Variants in TTC39B observed in about 807,000 individuals in gnomAD.
TTC39B encodes tetratricopeptide repeat domain 39B, also known as tetratricopeptide repeat protein 39B.
A neutral mutation model predicts 96.6 loss-of-function variants in TTC39B; 92 were observed. The ratio of observed to expected loss-of-function variants is 0.95; its 90% CI spans 0.80 to 1.13. The LOEUF (loss-of-function observed/expected upper bound fraction) is 1.13, where lower values mean the gene tolerates loss of function less well. TTC39B is among the 50% of genes most tolerant of loss of function. TTC39B has a pLI of 0.00. For synonymous variants in TTC39B, 367 were observed against 299.4 expected, an observed-to-expected ratio of 1.23 and a Z score of -2.33; for missense variants, 955 against 809.3, an observed-to-expected ratio of 1.18 and a Z score of -2.18.
chr9:15,177,200 G>A (rs1224729397), intron 18 of TTC39B, among the ~76,000 whole-genome samples: 1 of 152,094 alleles, frequency 6.6e-6, no homozygotes, highest in Non-Finnish European at 1.5e-5. Flanking sequence ...AGGCATAGTA[G>A]TGCACACTTG....
chr9:15,279,431 G>A (rs895162764), intron 1 of TTC39B, among the ~76,000 whole-genome samples: 7 of 152,208 alleles, frequency 4.6e-5, no homozygotes, highest in Non-Finnish European at 1.0e-4. Flanking sequence ...GGGGGAGAGA[G>A]AAGGTAAAGG....
chr9:15,195,589 G>A (rs1467112042), intron 8 of TTC39B, among the ~76,000 whole-genome samples: 2 of 144,318 alleles, frequency 1.4e-5, no homozygotes, highest in East Asian at 4.2e-4. Context: ...AGAATCACTT[G>A]AACCTGGGAG....
intron 19 of TTC39B, among the ~76,000 whole-genome samples, chr9:15,174,437 C>G (rs1334810808): frequency 3.9e-5 from 6 of 152,180 alleles, no homozygotes; most frequent in Non-Finnish European, 8.8e-5. Context: ...GACCACAGGT[C>G]TAAAAGCTAT....
intron 1 of TTC39B, among the ~76,000 whole-genome samples, chr9:15,285,652 A>C (rs544521441): frequency 6.6e-6 from 1 of 152,158 alleles, no homozygotes; most frequent in African/African-American, 2.4e-5. Flanking sequence ...CAGGAGATGG[A>C]GACCATCCTG....
chr9:15,264,654 T>TA (rs546870324), intron 2 of TTC39B, among the ~76,000 whole-genome samples: 14,942 of 117,968 alleles, frequency 0.13, 2,396 homozygotes, highest in African/African-American at 0.38. Context: ...GACTCTGTCT[T>TA]AAAAAAAAAA....
chr9:15,201,622 T>A (rs1326907723), intron 7 of TTC39B, among the ~76,000 whole-genome samples: 1 of 152,186 alleles, frequency 6.6e-6, no homozygotes, highest in African/African-American at 2.4e-5. Context: ...GGTTTGGCCA[T>A]GTGTGCATAT....
chr9:15,286,504 G>T (rs1823980526), intron 1 of TTC39B, among the ~76,000 whole-genome samples: 1 of 152,210 alleles, frequency 6.6e-6, no homozygotes, highest in African/African-American at 2.4e-5. Flanking sequence ...CACCTGTGAT[G>T]TTAATTTTGG....
exon 4 of TTC39B, chr9:15,214,160 G>A (rs1820365532): frequency 1.2e-6 from 2 of 1,613,722 alleles, no homozygotes; most frequent in Non-Finnish European, 1.7e-6. Context: ...CAATTCTAAG[G>A]CGTCTGTAAA....
At chr9:15,194,145 T>C (rs1432244430) in intron 8 of TTC39B, among the ~76,000 whole-genome samples, 1 of 152,142 alleles carries the variant, frequency 6.6e-6, no homozygotes, top group Non-Finnish European at 1.5e-5. Flanking sequence ...CAATCTTCCA[T>C]ACAAGTGATG....
chr9:15,235,046 AC>A (rs1311084410), intron 2 of TTC39B, among the ~76,000 whole-genome samples: 12 of 94,354 alleles, frequency 1.3e-4, no homozygotes, highest in African/African-American at 5.1e-4. Flanking sequence ...AATAAATAAA[AC>A]AAAAACAAAA....
intron 1 of TTC39B, among the ~76,000 whole-genome samples, chr9:15,286,608 T>A (rs1287648078): frequency 6.6e-6 from 1 of 152,216 alleles, no homozygotes; most frequent in African/African-American, 2.4e-5. Context: ...TAGTGTAAGA[T>A]AGGTAAACAT....
At position 15,214,213 on chromosome 9, in the gene TTC39B, G is replaced by C. The variant is rs377068917; in HGVS notation, c.408C>G (p.Leu136=). 38 of 1,613,982 alleles carry C rather than the reference G, an allele frequency of 2.4e-5. No homozygotes were observed. In the African/African-American group the frequency reaches 4.0e-4, roughly 17 times the overall value. Reference sequence around the variant, plus strand: ...AGTTCAATGCCACAGCACATTCTTCGAGGCCACTCTTGAGATCCACCTTGG... The same window carrying C: ...AGTTCAATGCCACAGCACATTCTTCCAGGCCACTCTTGAGATCCACCTTGG... The change falls in exon 4 of 20, where the codon CTC becomes CTG. Residue 136 remains leucine, a synonymous_variant. Coordinates refer to ENST00000512701, the Ensembl canonical transcript of TTC39B.
chr9:15,206,498 T>A (rs780914895), intron 6 of TTC39B, among the ~76,000 whole-genome samples: 1 of 152,242 alleles, frequency 6.6e-6, no homozygotes, highest in Non-Finnish European at 1.5e-5. Context: ...ATTCTTTCAC[T>A]GTGGTTGATT....
chr9:15,264,039 G>C (rs1452995824), intron 2 of TTC39B, among the ~76,000 whole-genome samples: 2 of 152,166 alleles, frequency 1.3e-5, no homozygotes, highest in Non-Finnish European at 2.9e-5. Context: ...GATAAATACA[G>C]CCACAGAGAA....
At position 15,214,315 on chromosome 9, in the gene TTC39B, A is replaced by AGTGTGTGT. The variant is rs199807096; in HGVS notation, c.372-74_372-67dup. The AGTGTGTGT allele has an allele frequency of 3.4e-3, 2,489 of 732,172 alleles. 14 individuals are homozygous for AGTGTGTGT. The highest frequency in any genetic ancestry group is 0.022 in the African/African-American group (1,014 of 46,294). 45.4% of individuals were successfully genotyped at this position (732,172 alleles called of 1,614,324 possible). A position where few individuals can be genotyped will look rare whatever the true frequency, so the allele number is the denominator to read the frequency against. ...TACGATCAGCAAGTTGTCCGAAGGG[A>AGTGTGTGT]GTGTGTGTGTGTGTGTGTGTGTGTG... On this transcript the variant is annotated intron_variant, in intron 3 of 19. Coordinates refer to ENST00000512701, the Ensembl canonical transcript of TTC39B.
At chr9:15,290,533 C>A (rs1183947327) in intron 1 of TTC39B, among the ~76,000 whole-genome samples, 2 of 152,232 alleles carry the variant, frequency 1.3e-5, no homozygotes, top group African/African-American at 2.4e-5. Flanking sequence ...AGGTATGGGA[C>A]AAAGACAAGA....
intron 2 of TTC39B, among the ~76,000 whole-genome samples, chr9:15,257,558 C>T (rs765418306): frequency 1.9e-4 from 29 of 152,054 alleles, no homozygotes; most frequent in Admixed American, 1.3e-4. Flanking sequence ...AAATGATCCT[C>T]TCATCTCAGC....
intron 4 of TTC39B, among the ~76,000 whole-genome samples, chr9:15,212,060 G>T (rs111819203): frequency 2.0e-5 from 3 of 152,138 alleles, no homozygotes; most frequent in Non-Finnish European, 4.4e-5. Context: ...AGATTCTCGG[G>T]CTATGAGAAC....
chr9:15,227,968 T>C (rs1192603031), intron 2 of TTC39B, among the ~76,000 whole-genome samples: 1 of 152,220 alleles, frequency 6.6e-6, no homozygotes. Context: ...CTTTTTAATA[T>C]GTTATATTTA....
Sources: allele counts gnomAD v4.1 joint callset (sites outside exome capture counted in the v4.1 genomes callset), GRCh38; gene constraint gnomAD v4.1.1; transcripts MANE v1.5; gene names NCBI Gene and HGNC (gene_info 2026-07-23, HGNC 2026-07-21).